The following CEP104 variants were observed in gnomAD, a reference collection of about 807,000 sequenced individuals.
CEP104 encodes the protein centrosomal protein 104, also known as centrosomal protein of 104 kDa.
A neutral mutation model predicts 113.3 loss-of-function variants in CEP104; 84 were observed. The ratio of observed to expected loss-of-function variants is 0.74; its 90% CI spans 0.62 to 0.89. CEP104 has a LOEUF of 0.89. CEP104 is among the 40% of genes least tolerant of loss of function. The probability of loss-of-function intolerance (pLI) is 0.00; values close to 1 mark genes in which losing one functional copy is unlikely to be tolerated. For missense variants in CEP104, 1,053 were observed against 1,156.6 expected (o/e 0.91, Z 1.30); for synonymous variants, 378 against 421.7 (o/e 0.90, Z 1.27).
At chr1:3,854,627 C>G (rs530482993) in intron 1 of CEP104, among the ~76,000 whole-genome samples, 4 of 142,636 alleles carry the variant, frequency 2.8e-5, no homozygotes, top group African/African-American at 8.2e-5. Context: ...CACCACCATG[C>G]CTGGCTAATT....
chr1:3,846,678 C>T (rs535286817), intron 4 of CEP104, among the ~76,000 whole-genome samples: 7 of 152,078 alleles, frequency 4.6e-5, no homozygotes, highest in Non-Finnish European at 1.0e-4. Context: ...GGCTTCCTGG[C>T]GTGTTATGCT....
intron 21 of CEP104, chr1:3,815,999 C>G: frequency 2.5e-6 from 1 of 392,386 alleles, no homozygotes; most frequent in Non-Finnish European, 4.6e-6. Context: ...ACACTTGAGT[C>G]AGTGATGTAG....
At chr1:3,846,086 CAAAAAAAA>C (rs5772127) in intron 4 of CEP104, among the ~76,000 whole-genome samples, 1 of 95,144 alleles carries the variant, frequency 1.1e-5, no homozygotes, top group African/African-American at 4.6e-5. Flanking sequence ...AACTCCGTCT[CAAAAAAAA>C]AAAAAAAAAA....
In CEP104 at chr1:3,819,871, A is replaced by G. The variant is rs1482761324; in HGVS notation, c.2571+3303T>C. On this transcript the variant is annotated intron_variant, in intron 20 of 21. Coordinates refer to ENST00000378230, the MANE Select transcript of CEP104 (RefSeq NM_014704.4). This position sits in a 1 kb window ranked among gnomAD's most constrained non-coding sequence, Gnocchi z 4.6. Reference sequence around the variant, plus strand: ...CCTCGAGGAAGTGAGCTGCCAGCAGAGAGGCCCCCGGTGCTGACGGTGGGG... The same window carrying G: ...CCTCGAGGAAGTGAGCTGCCAGCAGGGAGGCCCCCGGTGCTGACGGTGGGG... 6.6e-6 allele frequency among the ~76,000 whole-genome samples: 1 copy of G among 152,180 alleles called. No homozygotes were observed. The highest frequency in any genetic ancestry group is 6.5e-5 in the Admixed American group (1 of 15,276).
rs1211579957 is a variant in CEP104 at position 3,826,427 on chromosome 1, C to A, written c.2198G>T (p.Gly733Val). The change falls in exon 17 of 22, where the codon GGA becomes GTA. Residue 733 changes from glycine to valine, a missense_variant. Gly to Val is a moderately radical substitution (Grantham distance 109). Transcript: ENST00000378230. ...AGCTTCAGCAGGGGCTGCTTTCCCT[C>A]CTTGAATGTCTGAAGAGATTAAAAC... The part of the protein sequence containing the change: ...AVKPKNQDIQ[G>V]GKAAPAEALG... 1 of 1,613,254 alleles carries A rather than the reference C, an allele frequency of 6.2e-7. No homozygotes were observed. Among genetic ancestry groups the A allele is most frequent in the Non-Finnish European group, 8.5e-7 (1 of 1,179,400 alleles).
At chr1:3,839,903 T>C (rs1644383733) in intron 6 of CEP104, 127 bp from the exon 7 acceptor site, 2 of 751,060 alleles carry the variant, frequency 2.7e-6, no homozygotes, top group East Asian at 5.3e-5. Flanking sequence ...ATTTCCTGCA[T>C]GAGAAAACGG....
intron 8 of CEP104, 52 bp from the exon 9 acceptor site, chr1:3,837,571 A>G (rs1461742721): frequency 7.0e-7 from 1 of 1,428,464 alleles, no homozygotes; most frequent in Non-Finnish European, 9.8e-7. Context: ...CACGCCAGAT[A>G]TATCTATCTC....
In CEP104 at chr1:3,836,606, A is replaced by G. The variant is rs759532668; in HGVS notation, c.1206T>C (p.Asn402=). ...CCCTCCGAGCATCGCTGATGTCTGC[A>G]TTACTCATTTCCGGCTCCACCACTG... ...GEAVVEPEMS[N]ADISDARRGG... The change falls in exon 10 of 22, where the codon AAT becomes AAC. Residue 402 remains asparagine, a synonymous_variant. Transcript: ENST00000378230. 6.2e-7 allele frequency: 1 copy of G among 1,612,108 alleles called. No individual in the cohort carries two copies. Among genetic ancestry groups the G allele is most frequent in the Non-Finnish European group, 8.5e-7 (1 of 1,179,738 alleles).
chr1:3,843,028 T>C (rs986197583), intron 6 of CEP104: 17 of 462,800 alleles, frequency 3.7e-5, no homozygotes, highest in Non-Finnish European at 6.0e-5. Context: ...CCTCAAGTGA[T>C]CTGCCCAACT....
chr1:3,846,080 C>CT (rs1644501108), intron 4 of CEP104, among the ~76,000 whole-genome samples: 1 of 123,662 alleles, frequency 8.1e-6, no homozygotes, highest in African/African-American at 3.3e-5. Context: ...GAGTGAAACT[C>CT]CGTCTCAAAA....
At chr1:3,844,825 C>T in intron 6 of CEP104, 82 bp downstream of exon 6, 1 of 1,201,856 alleles carries the variant, frequency 8.3e-7, no homozygotes, top group Admixed American at 1.8e-5. Context: ...GCTCTAAGTC[C>T]AGAATCCTTT....
chr1:3,838,371 G>A (rs946799370), intron 8 of CEP104, among the ~76,000 whole-genome samples: 5 of 152,062 alleles, frequency 3.3e-5, no homozygotes, highest in Admixed American at 2.0e-4. Context: ...GGCTGGTCTC[G>A]AACTCCTGGG....
At position 3,829,777 on chromosome 1, in the gene CEP104, C is replaced by T; in HGVS notation, c.2043+14G>A. On this transcript the variant is annotated intron_variant, in intron 14 of 21. Coordinates refer to ENST00000378230, the MANE Select transcript of CEP104 (RefSeq NM_014704.4). Reference sequence around the variant, plus strand: ...ACACAGGATGACATCACAACTTCACCAAAGTTAACTCACCCTCATCTCAGC... The same window carrying T: ...ACACAGGATGACATCACAACTTCACTAAAGTTAACTCACCCTCATCTCAGC... 1.9e-6 allele frequency: 3 copies of T among 1,611,552 alleles called. No homozygotes were observed. The highest frequency in any genetic ancestry group is 1.3e-5 in the African/African-American group (1 of 74,990).
At position 3,837,419 on chromosome 1, in the gene CEP104, C is replaced by T. The variant is rs543052291; in HGVS notation, c.992G>A (p.Gly331Glu). 6.2e-7 allele frequency: 1 copy of T among 1,614,170 alleles called. No individual in the cohort carries two copies. The highest frequency in any genetic ancestry group is 1.1e-5 in the South Asian group (1 of 91,082). The change falls in exon 9 of 22, where the codon GGA becomes GAA. Residue 331 changes from glycine (G) to glutamate (E), a missense_variant. Physicochemically the swap from Gly to Glu is moderately conservative, Grantham distance 98 (BLOSUM62 -2). Transcript: ENST00000378230. ...MPSLPQLEER[G>E]TENQFAEPFL... ...AGGTTCTGCAAACTGGTTTTCTGTT[C>T]CTCTTTCTTCCAGTTGTGGTAGTGA...
rs767762091 is a variant in CEP104, at chr1:3,815,471, G to A, written c.2709C>T (p.Ala903=). The A allele has an allele frequency of 9.3e-6, 15 of 1,612,754 alleles. No individual in the cohort carries two copies. Among genetic ancestry groups the A allele is most frequent in the African/African-American group, 5.3e-5 (4 of 74,942 alleles). The change falls in exon 22 of 22, where the codon GCC becomes GCT. Residue 903 remains alanine, a synonymous_variant. Transcript: ENST00000378230. ...VAASGPLGSK[A]GSKIPTPKGG... is the part of the protein sequence containing the mutation. The stretch of plus-strand genomic sequence containing the variant: ...CCTTCGGGGTGGGGATCTTGCTTCC[G>A]GCCTTTGACCCCAAGGGGCCTGATG...
intron 15 of CEP104, 52 bp from the exon 16 acceptor site, chr1:3,826,796 G>C (rs781009971): frequency 6.6e-7 from 1 of 1,516,082 alleles, no homozygotes; most frequent in East Asian, 2.3e-5. Context: ...GTGTGAGTGA[G>C]TGAGAGCCTG....
rs1268261935 is a variant in CEP104 at position 3,813,132 on chromosome 1, A to T, written c.*2270T>A. ...TAAAGAAGTGTTTTGTCTGTATTTT[A>T]AAAATGGATTAGAAAATAATGGCCA... On this transcript the variant is annotated 3_prime_UTR_variant, in exon 22 of 22. Coordinates refer to ENST00000378230, the MANE Select transcript of CEP104 (RefSeq NM_014704.4). 1.3e-5 allele frequency: 2 copies of T among 152,176 alleles called. No homozygotes were observed. Among genetic ancestry groups the T allele is most frequent in the African/African-American group, 4.8e-5 (2 of 41,442 alleles). The allele number at this position is 152,176 out of a possible 1,614,324, so 9.4% of individuals were successfully genotyped here.
Position 3,815,230 on chromosome 1 carries a change from T to C in CEP104, c.*172A>G, listed in dbSNP as rs949305915. 6.6e-6 allele frequency: 4 copies of C among 603,678 alleles called. No homozygotes were observed. The highest frequency in any genetic ancestry group is 1.2e-5 in the Non-Finnish European group (4 of 336,258). The allele number at this position is 603,678 out of a possible 1,614,324, so 37.4% of individuals were successfully genotyped here. ...CAGGATCTTTGGTTAGCTGCATCCA[T>C]ATCGTTTGCACGAGAGCTGACGGCA... is the stretch of plus-strand genomic sequence containing the variant. On this transcript the variant is annotated 3_prime_UTR_variant, in exon 22 of 22. Coordinates refer to ENST00000378230, the MANE Select transcript of CEP104 (RefSeq NM_014704.4).
At chr1:3,851,499 G>C (rs1359784354) in intron 2 of CEP104, among the ~76,000 whole-genome samples, 3 of 152,178 alleles carry the variant, frequency 2.0e-5, no homozygotes, top group Admixed American at 6.5e-5. Context: ...AGCTGACGAG[G>C]TGGGATGGGG....
Sources: gnomAD v4.1 joint callset for allele counts (sites outside exome capture counted in the v4.1 genomes callset) on GRCh38, gnomAD v4.1.1 for gene constraint, Gnocchi (gnomAD v3.1) non-coding constraint, MANE v1.5 for transcripts, NCBI Gene and HGNC (gene_info 2026-07-23, HGNC 2026-07-21) for gene names.